The following LRP8 variants were observed in gnomAD, a reference collection of about 807,000 sequenced individuals.
LRP8 encodes the protein LDL receptor related protein 8.
A neutral mutation model predicts 111.6 loss-of-function variants in LRP8; 46 were observed. That is an observed-to-expected ratio of 0.41 (90% CI 0.33 to 0.53). The LOEUF (loss-of-function observed/expected upper bound fraction) is 0.53. Ranked by LOEUF, LRP8 falls within the 20% of genes least tolerant of loss-of-function variation. The pLI is 0.20. For missense variants in LRP8, 959 were observed against 1,297.4 expected (o/e 0.74, Z 4.01); for synonymous variants, 464 against 511.2 (o/e 0.91, Z 1.24).
At chr1:53,311,439 C>G (rs530140903) in intron 2 of LRP8, among the ~76,000 whole-genome samples, 1 of 152,170 alleles carries the variant, frequency 6.6e-6, no homozygotes, top group Non-Finnish European at 1.5e-5. Context: ...CCTCCCCACA[C>G]AAGCCCTGGC....
At chr1:53,258,288 AG>A (rs1283733184) in intron 14 of LRP8, 30 bp downstream of exon 14, 9 of 1,605,452 alleles carry the variant, frequency 5.6e-6, no homozygotes, top group East Asian at 2.3e-5. Context: ...TGACACTGCC[AG>A]GGGCCATCCC....
intron 4 of LRP8, 145 bp downstream of exon 4, chr1:53,280,442 C>T (rs1319783879): frequency 7.2e-6 from 7 of 968,292 alleles, no homozygotes; most frequent in South Asian, 1.7e-5. Context: ...TAGAATCTAG[C>T]CATTACTAGT....
chr1:53,307,090 G>C (rs1038322604), intron 2 of LRP8, among the ~76,000 whole-genome samples: 3 of 152,104 alleles, frequency 2.0e-5, no homozygotes, highest in Non-Finnish European at 4.4e-5. Context: ...CTGAGTAGGG[G>C]GGGTGGTACT....
At position 53,256,468 on chromosome 1, in the gene LRP8, C is replaced by G. The variant is rs114988055; in HGVS notation, c.2434+772G>C. On this transcript the variant is annotated intron_variant, in intron 15 of 18. Transcript: ENST00000306052. ...GAATTCACACATGCTCCATCTGCCT[C>G]TGCAAACTTCGGAGTAAGTGCTCCA... 1.9e-3 allele frequency among the ~76,000 whole-genome samples: 294 copies of G among 152,356 alleles called. 2 individuals carry two copies. Among genetic ancestry groups the G allele is most frequent in the African/African-American group, 6.7e-3 (277 of 41,594 alleles).
At position 53,250,858 on chromosome 1, in the gene LRP8, C is replaced by A. The variant is rs1444771744; in HGVS notation, c.2508G>T (p.Val836=). 6.2e-7 allele frequency: 1 copy of A among 1,614,072 alleles called. No homozygotes were observed. Among genetic ancestry groups the A allele is most frequent in the Admixed American group, 1.7e-5 (1 of 60,028 alleles). ...AVIGIIVPIV[V]IALLCMSGYL... ...ATCCACTCATGCACAGGAGGGCTAT[C>A]ACCACTGGAGGAAGGACACAGGACA... Residue 836 remains valine, a synonymous_variant, in exon 17 of 19, where the codon GTG becomes GTT. Transcript: ENST00000306052. The surrounding 1 kb of genome is among the most constrained non-coding windows in gnomAD (Gnocchi z 4.6).
intron 12 of LRP8, 123 bp from the exon 13 acceptor site, chr1:53,260,728 CTA>C: frequency 1.1e-6 from 1 of 948,976 alleles, no homozygotes; most frequent in Non-Finnish European, 1.6e-6. Flanking sequence ...TCTGTCCTGT[CTA>C]TGGATTCACG....
At chr1:53,312,292 C>G (rs10449749) in intron 2 of LRP8, among the ~76,000 whole-genome samples, 13,757 of 152,252 alleles carry the variant, frequency 0.09, 680 homozygotes, top group South Asian at 0.15. Flanking sequence ...TGGCCCTGCT[C>G]TTCCAGACCT....
chr1:53,275,493 T>G lies in LRP8; in HGVS notation c.1006+138A>C. 8.6e-7 allele frequency: 1 copy of G among 1,168,104 alleles called. No homozygotes were observed. 72.4% of individuals were successfully genotyped at this position (1,168,104 alleles called of 1,614,324 possible). ...CCCCATGGAAAGGGAGCCAGGTGAT[T>G]TAGGGGCAAGTGATGCTCTGGGGGA... On this transcript the variant is annotated intron_variant, in intron 6 of 18. Transcript: ENST00000306052. This position sits in a 1 kb window ranked among gnomAD's most constrained non-coding sequence, Gnocchi z 4.4.
At position 53,255,117 on chromosome 1, in the gene LRP8, C is replaced by G. The variant is rs753134602; in HGVS notation, c.2503G>C (p.Val835Leu). Residue 835 changes from valine to leucine, a missense_variant and splice_region_variant, in exon 16 of 19, where the codon GTG (valine) becomes CTG (leucine). Val to Leu is a conservative substitution (Grantham distance 32, BLOSUM62 1). Transcript: ENST00000306052. ...AAVIGIIVPI[V>L]VIALLCMSGY... ...TTCAGTGACTGGGGGCCACACTCAC[C>G]TATGGGCACGATGATCCCGATAACA... 6.2e-7 allele frequency: 1 copy of G among 1,613,456 alleles called. No individual in the cohort carries two copies. The highest frequency in any genetic ancestry group is 1.3e-5 in the African/African-American group (1 of 75,030).
At chr1:53,290,486 C>T (rs1255762990) in intron 2 of LRP8, among the ~76,000 whole-genome samples, 1 of 152,174 alleles carries the variant, frequency 6.6e-6, no homozygotes, top group Non-Finnish European at 1.5e-5. Flanking sequence ...GTGGCAGCTA[C>T]TGTTGTTTTC....
chr1:53,253,650 A>G (rs1163037925), intron 16 of LRP8, among the ~76,000 whole-genome samples: 1 of 152,210 alleles, frequency 6.6e-6, no homozygotes, highest in Admixed American at 6.5e-5. Flanking sequence ...ATGGCAAGAA[A>G]GGGGTAGATT....
intron 14 of LRP8, 24 bp downstream of exon 14, chr1:53,258,295 A>T: frequency 6.2e-7 from 1 of 1,608,402 alleles, no homozygotes; most frequent in South Asian, 1.1e-5. Flanking sequence ...GCCAGGGGCC[A>T]TCCCTCCTGG....
intron 4 of LRP8, among the ~76,000 whole-genome samples, chr1:53,280,206 T>C (rs1647060613): frequency 6.6e-6 from 1 of 152,110 alleles, no homozygotes; most frequent in Non-Finnish European, 1.5e-5. Flanking sequence ...CCCCCTGCCC[T>C]TGCTCCAAGA....
chr1:53,277,090 A>G lies in LRP8; in HGVS notation c.497-12T>C. 6.7e-7 allele frequency: 1 copy of G among 1,483,784 alleles called. No homozygotes were observed. The highest frequency in any genetic ancestry group is 8.9e-7 in the Non-Finnish European group (1 of 1,120,770). The allele number at this position is 1,483,784 out of a possible 1,614,324, so 91.9% of individuals were successfully genotyped here. A position where few individuals can be genotyped will look rare whatever the true frequency, so the allele number is the denominator to read the frequency against. On this transcript the variant is annotated splice_polypyrimidine_tract_variant and intron_variant, in intron 4 of 18. Coordinates refer to ENST00000306052, the MANE Select transcript of LRP8 (RefSeq NM_004631.5). ...GTGCGGGGCGCACACTGCGCGGGAC[A>G]GAGAGCCGGTCGGCCCGCCGACCCC...
chr1:53,303,521 CAT>C lies in LRP8; in HGVS notation c.245-13834_245-13833del, dbSNP rs575473186. On this transcript the variant is annotated intron_variant, in intron 2 of 18. Coordinates refer to ENST00000306052, the MANE Select transcript of LRP8 (RefSeq NM_004631.5). This position sits in a 1 kb window ranked among gnomAD's most constrained non-coding sequence, Gnocchi z 4.3. The stretch of plus-strand genomic sequence containing the variant: ...CTGCCGCTGAAGAGACTGGAGGAAT[CAT>C]AAGATAGTCTTCGAATCACAGAACA... Among the ~76,000 whole-genome samples, 45 of 152,382 alleles carry C rather than the reference CAT, an allele frequency of 3.0e-4. No homozygotes were observed. In the South Asian group the frequency reaches 8.7e-3, roughly 29 times the overall value.
chr1:53,323,123 G>A (rs1654728068), intron 2 of LRP8, among the ~76,000 whole-genome samples: 1 of 152,128 alleles, frequency 6.6e-6, no homozygotes, highest in Non-Finnish European at 1.5e-5. Flanking sequence ...CTCAAGACAG[G>A]GAAATGAAGG....
chr1:53,264,580 C>G (rs1301336969), intron 9 of LRP8, among the ~76,000 whole-genome samples, 184 bp from the exon 10 acceptor site: 1 of 152,172 alleles, frequency 6.6e-6, no homozygotes, highest in African/African-American at 2.4e-5. Context: ...CTTACATGGG[C>G]CACGGTCTCT....
At chr1:53,285,204 T>C (rs1341397136) in intron 3 of LRP8, among the ~76,000 whole-genome samples, 4 of 152,162 alleles carry the variant, frequency 2.6e-5, no homozygotes, top group African/African-American at 9.7e-5. Flanking sequence ...TGGACTTCCA[T>C]CCCAGGTCCA....
chr1:53,243,442 C>G lies in LRP8; in HGVS notation c.*3576G>C, dbSNP rs1645676882. 1 of 152,184 alleles carries G rather than the reference C, an allele frequency of 6.6e-6. No individual in the cohort carries two copies. The highest frequency in any genetic ancestry group is 6.5e-5 in the Admixed American group (1 of 15,290). The allele number at this position is 152,184 out of a possible 1,614,324, so 9.4% of individuals were successfully genotyped here. ...AGCAGTCAGCATTTCCCTTTGGCCA[C>G]TGGAAAGCTTGAGGCTGAATAATAT... On this transcript the variant is annotated 3_prime_UTR_variant, in exon 19 of 19. Transcript: ENST00000306052.
Sources: gnomAD v4.1 joint callset for allele counts (sites outside exome capture counted in the v4.1 genomes callset) on GRCh38, gnomAD v4.1.1 for gene constraint, Gnocchi (gnomAD v3.1) non-coding constraint, MANE v1.5 for transcripts, NCBI Gene and HGNC (gene_info 2026-07-23, HGNC 2026-07-21) for gene names.